The following PTP4A2 variants were observed in gnomAD, a reference collection of about 807,000 sequenced individuals.
PTP4A2 encodes protein tyrosine phosphatase 4A2.
In PTP4A2, 2 loss-of-function variants were observed where a neutral mutation model predicts 22.9. The observed-to-expected ratio is 0.09, with a 90% CI of 0.04 to 0.27. PTP4A2 has a LOEUF of 0.27. Ranked by LOEUF, PTP4A2 falls within the 10% of genes least tolerant of loss-of-function variation. The pLI is 1.00. For synonymous variants in PTP4A2, 68 were observed against 69.1 expected (o/e 0.98, Z 0.08); for missense variants, 103 against 205.1 (o/e 0.50, Z 3.04).
chr1:31,922,286 C>T (rs1652193889), intron 1 of PTP4A2, among the ~76,000 whole-genome samples: 1 of 152,208 alleles, frequency 6.6e-6, no homozygotes, highest in African/African-American at 2.4e-5. Flanking sequence ...GAGTTCAAGA[C>T]CAGCCTGATC....
intron 2 of PTP4A2, among the ~76,000 whole-genome samples, chr1:31,918,534 G>A (rs767578601): frequency 9.9e-5 from 15 of 152,158 alleles, no homozygotes; most frequent in Non-Finnish European, 2.1e-4. Flanking sequence ...GTGCCATTAG[G>A]CAAATTACTA....
rs1653037732 is a variant in PTP4A2, at chr1:31,938,228, C to CT, written c.-836dup. 6.5e-6 allele frequency: 1 copy of CT among 153,668 alleles called. No individual in the cohort carries two copies. Among genetic ancestry groups the CT allele is most frequent in the Non-Finnish European group, 1.4e-5 (1 of 70,780 alleles). The allele number at this position is 153,668 out of a possible 1,614,324, so 9.5% of individuals were successfully genotyped here. A position where few individuals can be genotyped will look rare whatever the true frequency, so the allele number is the denominator to read the frequency against. Reference sequence around the variant, plus strand: ...GCCGCTGCGTCTCCTGCTGCCGCCGCTGCCTCCGCTGCCGCCGCTGCCCTG... The same window carrying CT: ...GCCGCTGCGTCTCCTGCTGCCGCCGCTTGCCTCCGCTGCCGCCGCTGCCCTG... On this transcript the variant is annotated 5_prime_UTR_variant, in exon 1 of 6. Coordinates refer to ENST00000647444, the MANE Select transcript of PTP4A2 (RefSeq NM_080391.4). This position sits in a 1 kb window ranked among gnomAD's most constrained non-coding sequence, Gnocchi z 4.4.
chr1:31,927,822 T>G (rs1045943704), intron 1 of PTP4A2, among the ~76,000 whole-genome samples: 12 of 152,192 alleles, frequency 7.9e-5, no homozygotes, highest in Non-Finnish European at 1.8e-4. Context: ...CAATAGATTG[T>G]AAAATCTTCT....
intron 3 of PTP4A2, chr1:31,914,263 C>CA (rs1651703288): frequency 2.2e-6 from 1 of 455,692 alleles, no homozygotes; most frequent in African/African-American, 2.0e-5. Context: ...GACAGGGTTT[C>CA]ACCATGTTGC....
intron 1 of PTP4A2, chr1:31,921,542 G>A (rs1178550551): frequency 1.3e-5 from 2 of 152,062 alleles, no homozygotes; most frequent in African/African-American, 4.8e-5. Context: ...TTATTTTTAG[G>A]CCTGCTGCTT....
In PTP4A2 at chr1:31,921,682, T is replaced by C. The variant is rs545328534; in HGVS notation, c.-593-2024A>G. 4 of 152,326 alleles carry C rather than the reference T, an allele frequency of 2.6e-5. No individual in the cohort carries two copies. In the South Asian group the frequency reaches 8.3e-4, roughly 32 times the overall value. The allele number at this position is 152,326 out of a possible 1,614,324, so 9.4% of individuals were successfully genotyped here. ...CCCTAAGTTACCAATAAAGGCTTAT[T>C]TAGAAGTCTCTAAAAAATAGCTGTA... On this transcript the variant is annotated intron_variant, in intron 1 of 5. Coordinates refer to ENST00000647444, the MANE Select transcript of PTP4A2 (RefSeq NM_080391.4).
intron 1 of PTP4A2, among the ~76,000 whole-genome samples, chr1:31,937,166 T>C (rs1435687862): frequency 3.3e-5 from 5 of 152,088 alleles, no homozygotes; most frequent in African/African-American, 9.7e-5. Flanking sequence ...TAGGATAGGA[T>C]GGCATCATTG....
chr1:31,910,089 G>C lies in PTP4A2; in HGVS notation c.344C>G (p.Ala115Gly). 6.2e-7 allele frequency: 1 copy of C among 1,613,428 alleles called. No homozygotes were observed. Among genetic ancestry groups the C allele is most frequent in the East Asian group, 2.2e-5 (1 of 44,870 alleles). Reference protein sequence around the residue: ...LGRAPVLVALALIECGMKYED... With the variant: ...LGRAPVLVALGLIECGMKYED... ...GTACTTCATTCCACATTCAATCAAA[G>C]CAAGTGCAACCAGCACAGGTGCCCT... The change falls in exon 5 of 6, where the codon GCT becomes GGT. Residue 115 changes from alanine to glycine, a missense_variant. Physicochemically the swap from Ala to Gly is moderately conservative, Grantham distance 60 (BLOSUM62 0). Around this residue, in one of 3 missense-constraint regions of PTP4A2, gnomAD observed 35 missense variants for 64.5 expected, o/e 0.54. Transcript: ENST00000647444.
At position 31,907,318 on chromosome 1, in the gene PTP4A2, ATGGTGCCCCTCTACCTGCTTTGT is replaced by A. The variant is rs1176617236; in HGVS notation, c.*1511_*1533del. ...GGTGAAAATAGTGCAAGAGCCCCTG[ATGGTGCCCCTCTACCTGCTTTGT>A]CCATGCAGCCTGATCATAACTGCCT... On this transcript the variant is annotated 3_prime_UTR_variant, in exon 6 of 6. Transcript: ENST00000647444. 1 of 152,258 alleles carries A rather than the reference ATGGTGCCCCTCTACCTGCTTTGT, an allele frequency of 6.6e-6. No individual in the cohort carries two copies. The highest frequency in any genetic ancestry group is 1.5e-5 in the Non-Finnish European group (1 of 68,062). 9.4% of individuals were successfully genotyped at this position (152,258 alleles called of 1,614,324 possible).
At position 31,938,273 on chromosome 1, in the gene PTP4A2, G is replaced by C. The variant is rs1010688431; in HGVS notation, c.-880C>G. The C allele has an allele frequency of 6.7e-6, 1 of 149,818 alleles. No homozygotes were observed. Among genetic ancestry groups the C allele is most frequent in the African/African-American group, 2.4e-5 (1 of 40,942 alleles). The allele number at this position is 149,818 out of a possible 1,614,324, so 9.3% of individuals were successfully genotyped here. A position where few individuals can be genotyped will look rare whatever the true frequency, so the allele number is the denominator to read the frequency against. ...GCCCTGTGGCGTCACCTCGCGCCGT[G>C]CCCGGCCGCCGCTGCCGCTCCAGCC... On this transcript the variant is annotated 5_prime_UTR_variant, in exon 1 of 6. Coordinates refer to ENST00000647444, the MANE Select transcript of PTP4A2 (RefSeq NM_080391.4). The surrounding 1 kb of genome is among the most constrained non-coding windows in gnomAD (Gnocchi z 4.4).
At chr1:31,909,940 A>G (rs1651447485) in intron 5 of PTP4A2, 98 bp downstream of exon 5, 1 of 1,117,546 alleles carries the variant, frequency 8.9e-7, no homozygotes, top group Non-Finnish European at 1.3e-6. Context: ...CAAAAAAAGC[A>G]AATTATCCCA....
chr1:31,937,882 G>A (rs1327820171), intron 1 of PTP4A2, 105 bp downstream of exon 1: 1 of 151,126 alleles, frequency 6.6e-6, no homozygotes, highest in Non-Finnish European at 1.5e-5. Context: ...CCTCCTTCCG[G>A]GGACGTGTCT....
At chr1:31,923,329 C>CTTTT (rs894382854) in intron 1 of PTP4A2, among the ~76,000 whole-genome samples, 13 of 113,954 alleles carry the variant, frequency 1.1e-4, no homozygotes, top group East Asian at 2.6e-4. Flanking sequence ...GCCTCAACCT[C>CTTTT]TTTTTTTTTT....
chr1:31,922,634 C>CT (rs869069128), intron 1 of PTP4A2, among the ~76,000 whole-genome samples: 3 of 97,310 alleles, frequency 3.1e-5, no homozygotes, highest in East Asian at 2.7e-4. Context: ...TTCTTTCTTT[C>CT]TTTTATTTAT....
rs1651548303 is a variant in PTP4A2, at chr1:31,911,836, A to T, written c.190-10T>A. ...CATCAAATGGCCAATCCTGAAAAGAAATGACCTTTTACATTAAATTGATAT... is the reference window on the plus strand; with the variant it reads ...CATCAAATGGCCAATCCTGAAAAGATATGACCTTTTACATTAAATTGATAT... On this transcript the variant is annotated splice_polypyrimidine_tract_variant and intron_variant, in intron 3 of 5. Coordinates refer to ENST00000647444, the MANE Select transcript of PTP4A2 (RefSeq NM_080391.4). The T allele has an allele frequency of 6.4e-7, 1 of 1,556,120 alleles. No homozygotes were observed. Among genetic ancestry groups the T allele is most frequent in the South Asian group, 1.2e-5 (1 of 82,576 alleles).
chr1:31,918,662 T>C (rs1473558166), intron 2 of PTP4A2, among the ~76,000 whole-genome samples: 1 of 152,268 alleles, frequency 6.6e-6, no homozygotes, highest in Non-Finnish European at 1.5e-5. Context: ...ATGTGTAACA[T>C]TGTTTGTTAT....
intron 1 of PTP4A2, among the ~76,000 whole-genome samples, chr1:31,926,640 A>T (rs1175609671): frequency 6.6e-6 from 1 of 152,180 alleles, no homozygotes; most frequent in Non-Finnish European, 1.5e-5. Flanking sequence ...TTTTCCTCAA[A>T]TTCTTTCATT....
chr1:31,921,866 T>C (rs1463821696), intron 1 of PTP4A2: 1 of 152,162 alleles, frequency 6.6e-6, no homozygotes, highest in Non-Finnish European at 1.5e-5. Flanking sequence ...TTGTGTAAAT[T>C]GCATACTTGT....
intron 1 of PTP4A2, among the ~76,000 whole-genome samples, chr1:31,935,973 T>C (rs540783942): frequency 3.3e-5 from 5 of 152,122 alleles, no homozygotes; most frequent in Non-Finnish European, 2.9e-5. Context: ...GTATTTTCTG[T>C]AGAAATGGAG....
Sources: allele counts gnomAD v4.1 joint callset (sites outside exome capture counted in the v4.1 genomes callset), GRCh38; gene constraint gnomAD v4.1.1; regional missense constraint gnomAD v4.1.1; non-coding constraint Gnocchi (gnomAD v3.1); transcripts MANE v1.5; gene names NCBI Gene and HGNC (gene_info 2026-07-23, HGNC 2026-07-21).